The following ANK3 variants were observed in gnomAD, a reference collection of about 807,000 sequenced individuals.
ANK3 encodes the protein ankyrin 3.
A neutral mutation model predicts 370.9 loss-of-function variants in ANK3; 57 were observed. That is an observed-to-expected ratio of 0.15 (90% confidence interval 0.12 to 0.19). The LOEUF (loss-of-function observed/expected upper bound fraction) is 0.19. Among genes scored for constraint, ANK3 ranks in the 10% least tolerant of loss-of-function variants. The pLI is 1.00. For missense variants in ANK3, 4,439 were observed against 5,302.1 expected (o/e 0.84, Z 5.06); for synonymous variants, 1,929 against 1,946.3 (o/e 0.99, Z 0.23).
At chr10:60,613,894 C>A (rs1013380677) in intron 2 of ANK3, among the ~76,000 whole-genome samples, 1 of 152,040 alleles carries the variant, frequency 6.6e-6, no homozygotes, top group South Asian at 2.1e-4. Context: ...GCCAACCTGG[C>A]GAAACCCCAT....
chr10:60,592,247 GA>G lies in ANK3; in HGVS notation c.96+22938del, dbSNP rs200625143. Reference sequence around the variant, plus strand: ...TTTTTTTAATAATTTAAACATTTAAGAAAAAAATAGAAAAAAATAAAGTTAG... The same window carrying G: ...TTTTTTTAATAATTTAAACATTTAAGAAAAAATAGAAAAAAATAAAGTTAG... On this transcript the variant is annotated intron_variant, in intron 2 of 43. Transcript: ENST00000373827. Among the ~76,000 whole-genome samples the G allele has an allele frequency of 5.5e-3, 833 of 151,722 alleles. 4 individuals are homozygous for G. The highest frequency in any genetic ancestry group is 0.01 in the Middle Eastern group (3 of 294).
intron 25 of ANK3, among the ~76,000 whole-genome samples, chr10:60,126,531 C>CA (rs1036421547): frequency 5.9e-5 from 9 of 151,494 alleles, no homozygotes; most frequent in Non-Finnish European, 1.0e-4. Context: ...ACTAAAAATA[C>CA]AAAAAAATTA....
chr10:60,404,751 T>G (rs2063418993), intron 2 of ANK3, among the ~76,000 whole-genome samples: 1 of 152,174 alleles, frequency 6.6e-6, no homozygotes, highest in Non-Finnish European at 1.5e-5. Context: ...GCTTCTGCAC[T>G]TCAAAGCCCA....
chr10:60,604,986 G>T (rs2133309952), intron 2 of ANK3, among the ~76,000 whole-genome samples: 1 of 152,254 alleles, frequency 6.6e-6, no homozygotes, highest in South Asian at 2.1e-4. Flanking sequence ...AGCAGAATGA[G>T]ATTTAAGTTT....
chr10:60,444,799 G>T (rs1471135820), intron 2 of ANK3, among the ~76,000 whole-genome samples: 1 of 152,124 alleles, frequency 6.6e-6, no homozygotes, highest in East Asian at 1.9e-4. Context: ...GGTAAGAGTT[G>T]TGGGTATTTA....
chr10:60,047,543 A>G (rs1281293554), intron 42 of ANK3, among the ~76,000 whole-genome samples: 1 of 152,232 alleles, frequency 6.6e-6, no homozygotes, highest in African/African-American at 2.4e-5. Context: ...TGTAAAAACA[A>G]TCTGAAGCTT....
At chr10:60,109,353 G>A (rs2092497803) in intron 26 of ANK3, among the ~76,000 whole-genome samples, 1 of 152,034 alleles carries the variant, frequency 6.6e-6, no homozygotes, top group Non-Finnish European at 1.5e-5. Context: ...GAGTAAAATC[G>A]GTCTAGTAAC....
chr10:60,694,718 G>C (rs1171105514), intron 1 of ANK3, among the ~76,000 whole-genome samples: 6 of 151,880 alleles, frequency 4.0e-5, no homozygotes, highest in Non-Finnish European at 8.8e-5. Context: ...GTCACCACCA[G>C]GCCTGCCCTA....
chr10:60,507,739 C>T (rs1323971200), intron 2 of ANK3: 2 of 151,808 alleles, frequency 1.3e-5, no homozygotes, highest in Non-Finnish European at 2.9e-5. Context: ...TACTAAACTC[C>T]TAGAGAATTA....
intron 1 of ANK3, among the ~76,000 whole-genome samples, chr10:60,679,660 G>T (rs371189488): frequency 1.3e-5 from 2 of 152,274 alleles, no homozygotes; most frequent in South Asian, 2.1e-4. Context: ...CCTACCCCAA[G>T]AAAGAATCAG....
At chr10:60,432,743 A>G (rs754568562) in intron 2 of ANK3, among the ~76,000 whole-genome samples, 1 of 152,228 alleles carries the variant, frequency 6.6e-6, no homozygotes, top group Non-Finnish European at 1.5e-5. Flanking sequence ...CAGCATGGGT[A>G]CAGGAATAAA....
chr10:60,426,489 C>A (rs1019910586), intron 2 of ANK3, among the ~76,000 whole-genome samples: 2 of 152,018 alleles, frequency 1.3e-5, no homozygotes, highest in Non-Finnish European at 2.9e-5. Flanking sequence ...TTTCTTTAAT[C>A]CCAATAATTT....
At chr10:60,168,730 T>G (rs2095692027) in intron 21 of ANK3, among the ~76,000 whole-genome samples, 1 of 152,006 alleles carries the variant, frequency 6.6e-6, no homozygotes, top group Non-Finnish European at 1.5e-5. Context: ...GTGTGTGTCC[T>G]TCCCCTCCCT....
chr10:60,354,913 C>T (rs2057484728), intron 1 of ANK3, among the ~76,000 whole-genome samples: 1 of 151,816 alleles, frequency 6.6e-6, no homozygotes, highest in African/African-American at 2.4e-5. Context: ...CAGAGAATTC[C>T]ACATTTGGTA....
At chr10:60,244,304 T>C (rs2097521317) in intron 7 of ANK3, among the ~76,000 whole-genome samples, 2 of 152,188 alleles carry the variant, frequency 1.3e-5, no homozygotes, top group African/African-American at 4.8e-5. Flanking sequence ...ATCTCTTCTT[T>C]AAAAATGTCT....
intron 2 of ANK3, among the ~76,000 whole-genome samples, chr10:60,443,700 C>G (rs2064359879): frequency 6.6e-6 from 1 of 152,158 alleles, no homozygotes; most frequent in African/African-American, 2.4e-5. Flanking sequence ...CAGTGTGATA[C>G]TGACAGATGC....
At chr10:60,648,880 TC>T (rs1224285087) in intron 1 of ANK3, among the ~76,000 whole-genome samples, 1 of 151,140 alleles carries the variant, frequency 6.6e-6, no homozygotes, top group African/African-American at 2.4e-5. Flanking sequence ...CTGCTCCTGC[TC>T]CTGCTCCTGC....
chr10:60,230,015 A>G (rs960709700), intron 8 of ANK3, among the ~76,000 whole-genome samples: 10 of 152,158 alleles, frequency 6.6e-5, no homozygotes, highest in African/African-American at 2.2e-4. Flanking sequence ...CAATGAGAGT[A>G]TTGTTATTAC....
At chr10:60,260,654 G>T (rs1295672583) in intron 7 of ANK3, among the ~76,000 whole-genome samples, 4 of 152,148 alleles carry the variant, frequency 2.6e-5, no homozygotes, top group African/African-American at 9.7e-5. Flanking sequence ...AGCACCATCT[G>T]CTTGGTGCTG....
Sources: allele counts gnomAD v4.1 joint callset (sites outside exome capture counted in the v4.1 genomes callset), GRCh38; gene constraint gnomAD v4.1.1; transcripts MANE v1.5; gene names NCBI Gene and HGNC (gene_info 2026-07-23, HGNC 2026-07-21).